The following FSTL4 variants were observed in gnomAD, a reference collection of about 807,000 sequenced individuals.
FSTL4 encodes follistatin like 4.
FSTL4 carries 28 observed loss-of-function variants against 78.2 expected under a neutral mutation model. The ratio of observed to expected loss-of-function variants is 0.36; its 90% CI spans 0.27 to 0.49. The LOEUF (loss-of-function observed/expected upper bound fraction) is 0.49. Among genes scored for constraint, FSTL4 ranks in the 20% least tolerant of loss-of-function variants. The pLI is 0.98. For synonymous variants in FSTL4, 422 were observed against 440.5 expected, an observed-to-expected ratio of 0.96 and a Z score of 0.53; for missense variants, 922 against 1,084.9, an observed-to-expected ratio of 0.85 and a Z score of 2.11.
chr5:133,366,465 C>T (rs1270546506), intron 4 of FSTL4, among the ~76,000 whole-genome samples: 1 of 152,128 alleles, frequency 6.6e-6, no homozygotes, highest in African/African-American at 2.4e-5. Context: ...CGGTGCTTGA[C>T]ACAGCACAAG....
chr5:133,579,466 G>A (rs1226053174), intron 2 of FSTL4, among the ~76,000 whole-genome samples: 2 of 152,162 alleles, frequency 1.3e-5, no homozygotes, highest in Non-Finnish European at 2.9e-5. Flanking sequence ...GATCGAACAA[G>A]CTTCTTTCCT....
chr5:133,400,836 T>A lies in FSTL4; in HGVS notation c.311A>T (p.Asp104Val). The change falls in exon 4 of 16, where the codon GAT becomes GTT. Residue 104 changes from aspartate to valine, a missense_variant. Transcript: ENST00000265342. ...RPSYVPVCGS[D>V]GRFYENHCKL... ...ACAGTGGTTTTCATAAAACCTCCCA[T>A]CAGAGCCGCACACAGGCACGTAGCT... 6.2e-7 allele frequency: 1 copy of A among 1,614,016 alleles called. No individual in the cohort carries two copies. The highest frequency in any genetic ancestry group is 1.3e-5 in the African/African-American group (1 of 75,026).
chr5:133,214,707 GTTATAATGAAAGGATGTGATT>G (rs1216917354), intron 13 of FSTL4, among the ~76,000 whole-genome samples: 1 of 152,156 alleles, frequency 6.6e-6, no homozygotes, highest in Middle Eastern at 3.2e-3. Flanking sequence ...ACTTCCTCCT[GTTATAATGAAAGGATGTGATT>G]TTATCTGGGG....
intron 3 of FSTL4, among the ~76,000 whole-genome samples, chr5:133,446,392 A>G (rs1007074714): frequency 2.6e-5 from 4 of 152,192 alleles, no homozygotes; most frequent in African/African-American, 7.2e-5. Context: ...GTGAGCCGAG[A>G]TCGAACCATG....
intron 3 of FSTL4, among the ~76,000 whole-genome samples, chr5:133,413,306 AAG>A (rs375784812): frequency 0.01 from 1,466 of 146,474 alleles, 21 homozygotes; most frequent in African/African-American, 0.034. Context: ...CCTAATTTTA[AAG>A]AGTTTTTTAT....
chr5:133,439,120 G>C (rs901311161), intron 3 of FSTL4, among the ~76,000 whole-genome samples: 1 of 152,198 alleles, frequency 6.6e-6, no homozygotes, highest in Non-Finnish European at 1.5e-5. Flanking sequence ...GAAGTGATGG[G>C]CTGTAGGGAT....
At chr5:133,344,053 C>T (rs1317646076) in intron 4 of FSTL4, among the ~76,000 whole-genome samples, 1 of 151,944 alleles carries the variant, frequency 6.6e-6, no homozygotes, top group African/African-American at 2.4e-5. Context: ...TGAAGAATGG[C>T]AAATAAATAA....
chr5:133,610,317 A>G (rs1239818183), intron 1 of FSTL4, among the ~76,000 whole-genome samples: 1 of 152,242 alleles, frequency 6.6e-6, no homozygotes. Context: ...GAGGATGATC[A>G]TAAAAGTCTA....
intron 6 of FSTL4, among the ~76,000 whole-genome samples, chr5:133,301,739 G>T (rs530032525): frequency 6.2e-4 from 95 of 152,314 alleles, no homozygotes; most frequent in Admixed American, 1.4e-3. Context: ...CTTGCAGGCT[G>T]CCCCAGGCGG....
At chr5:133,325,605 G>A (rs1049762822) in intron 4 of FSTL4, among the ~76,000 whole-genome samples, 1 of 152,134 alleles carries the variant, frequency 6.6e-6, no homozygotes, top group Admixed American at 6.5e-5. Context: ...GCCTGGGTGG[G>A]GGATGGTGGG....
At chr5:133,716,477 C>A in the FSTL4 span, among the ~76,000 whole-genome samples, 1 of 151,930 alleles carries the variant, frequency 6.6e-6, no homozygotes, top group South Asian at 2.1e-4. Flanking sequence ...TCATTTCATA[C>A]CCCTCCTTAA....
At chr5:133,604,742 C>T (rs1348828975) in intron 1 of FSTL4, among the ~76,000 whole-genome samples, 1 of 152,114 alleles carries the variant, frequency 6.6e-6, no homozygotes, top group East Asian at 1.9e-4. Context: ...AATTATGTTA[C>T]ATCTCTGGCA....
At chr5:133,222,148 C>T (rs79171296) in intron 11 of FSTL4, among the ~76,000 whole-genome samples, 3 of 152,024 alleles carry the variant, frequency 2.0e-5, no homozygotes, top group South Asian at 2.1e-4. Flanking sequence ...CCGCCTCCAG[C>T]GTCTGTGCTG....
chr5:133,794,378 TC>T, the FSTL4 span, among the ~76,000 whole-genome samples: 1 of 152,184 alleles, frequency 6.6e-6, no homozygotes, highest in Non-Finnish European at 1.5e-5. Context: ...CCCCAGGAAA[TC>T]AGCTCATTAG....
intron 4 of FSTL4, among the ~76,000 whole-genome samples, chr5:133,350,478 T>C (rs1317985495): frequency 3.9e-5 from 6 of 152,236 alleles, no homozygotes. Context: ...CTACCTCCCC[T>C]GGTTCTTCAC....
chr5:133,303,569 C>T (rs988535536), intron 6 of FSTL4, among the ~76,000 whole-genome samples: 3 of 152,216 alleles, frequency 2.0e-5, no homozygotes, highest in African/African-American at 7.2e-5. Context: ...GTCACTATGT[C>T]CCGTGTGAGT....
intron 3 of FSTL4, among the ~76,000 whole-genome samples, chr5:133,421,165 C>T (rs191453368): frequency 1.1e-4 from 16 of 152,344 alleles, no homozygotes; most frequent in African/African-American, 3.6e-4. Context: ...GTTGGGCCCA[C>T]ACCACCAGGC....
chr5:133,740,492 G>A, the FSTL4 span, among the ~76,000 whole-genome samples: 1 of 152,148 alleles, frequency 6.6e-6, no homozygotes, highest in Non-Finnish European at 1.5e-5. Context: ...ACGTGTTGTT[G>A]ACCTGCTGAT....
At chr5:133,622,563 G>A in the FSTL4 span, among the ~76,000 whole-genome samples, 2 of 152,126 alleles carry the variant, frequency 1.3e-5, no homozygotes, top group Non-Finnish European at 2.9e-5. Flanking sequence ...TAATGTATGA[G>A]TGATTCCATT....
Sources: allele counts gnomAD v4.1 joint callset (sites outside exome capture counted in the v4.1 genomes callset), GRCh38; gene constraint gnomAD v4.1.1; transcripts MANE v1.5; gene names NCBI Gene and HGNC (gene_info 2026-07-23, HGNC 2026-07-21).